TRAK1: variants seen among roughly 807,000 people sequenced by gnomAD.
TRAK1 encodes the protein trafficking kinesin protein 1, also known as trafficking kinesin-binding protein 1.
Under a neutral mutation model 92.1 loss-of-function variants are expected in TRAK1, and 33 were observed. The observed-to-expected ratio is 0.36, with a 90% confidence interval of 0.27 to 0.48. The LOEUF is 0.48. Ranked by LOEUF, TRAK1 falls within the 20% of genes least tolerant of loss-of-function variation. The pLI is 0.99. For missense variants in TRAK1, 1,123 were observed against 1,257.9 expected (o/e 0.89, Z 1.62); for synonymous variants, 521 against 517.3 (o/e 1.01, Z -0.10).
chr3:42,174,030 A>G (rs764648226), intron 2 of TRAK1, among the ~76,000 whole-genome samples: 3 of 152,198 alleles, frequency 2.0e-5, no homozygotes, highest in Non-Finnish European at 4.4e-5. Flanking sequence ...TGAAGATTAC[A>G]TAAAATAATC....
At chr3:42,182,381 C>T (rs1489032514) in intron 3 of TRAK1, among the ~76,000 whole-genome samples, 1 of 151,808 alleles carries the variant, frequency 6.6e-6, no homozygotes, top group Non-Finnish European at 1.5e-5. Flanking sequence ...TGAGCCCCGC[C>T]TCCTGGGTTC....
chr3:42,191,768 GC>G, intron 7 of TRAK1, 132 bp downstream of exon 7: 1 of 902,200 alleles, frequency 1.1e-6, no homozygotes, highest in Non-Finnish European at 1.6e-6. Flanking sequence ...AAAACTAGAG[GC>G]CTCCCCAACC....
chr3:42,202,048 G>A lies in TRAK1; in HGVS notation c.1428-388G>A, dbSNP rs1413951623. Among the ~76,000 whole-genome samples, 6 of 152,146 alleles carry A rather than the reference G, an allele frequency of 3.9e-5. No individual in the cohort carries two copies. Among genetic ancestry groups the A allele is most frequent in the African/African-American group, 1.4e-4 (6 of 41,428 alleles). ...AGAGCAGGTTTTGTTCAGAGTTGGGGTCTGGGCTCTTTTCCTTCAAGAGAA... is the reference window on the plus strand; with the variant it reads ...AGAGCAGGTTTTGTTCAGAGTTGGGATCTGGGCTCTTTTCCTTCAAGAGAA... On this transcript the variant is annotated intron_variant, in intron 12 of 15. Coordinates refer to ENST00000327628, the MANE Select transcript of TRAK1 (RefSeq NM_001042646.3). This position sits in a 1 kb window ranked among gnomAD's most constrained non-coding sequence, Gnocchi z 6.1.
chr3:42,153,389 C>A (rs2149268139), intron 2 of TRAK1, among the ~76,000 whole-genome samples: 1 of 151,946 alleles, frequency 6.6e-6, no homozygotes, highest in South Asian at 2.1e-4. Context: ...AGAGTGAGAT[C>A]CTGTCTTAAA....
chr3:42,053,372 G>A (rs1576189449), intron 1 of TRAK1, among the ~76,000 whole-genome samples: 1 of 128,132 alleles, frequency 7.8e-6, no homozygotes, highest in African/African-American at 3.5e-5. Flanking sequence ...ATTCAGAGTC[G>A]GGTGGGGGGG....
chr3:42,095,528 A>G (rs753019550), intron 1 of TRAK1, among the ~76,000 whole-genome samples: 4 of 152,220 alleles, frequency 2.6e-5, no homozygotes, highest in Non-Finnish European at 5.9e-5. Context: ...GTGCAGTTTA[A>G]TGGGTAAAAA....
intron 1 of TRAK1, among the ~76,000 whole-genome samples, chr3:42,108,506 A>T (rs928399059): frequency 6.6e-6 from 1 of 151,776 alleles, no homozygotes; most frequent in African/African-American, 2.4e-5. Flanking sequence ...AAAAAAAAAA[A>T]AAAAAAAAGA....
chr3:42,068,566 G>A (rs942153773), intron 1 of TRAK1, among the ~76,000 whole-genome samples: 2 of 152,182 alleles, frequency 1.3e-5, no homozygotes, highest in African/African-American at 2.4e-5. Flanking sequence ...GAGTTTTACC[G>A]TGTTCCAGGC....
rs368581162 is a variant in TRAK1, at chr3:42,223,311, C to G, written c.2436C>G (p.Ser812=). 6.2e-7 allele frequency: 1 copy of G among 1,614,188 alleles called. No homozygotes were observed. Among genetic ancestry groups the G allele is most frequent in the South Asian group, 1.1e-5 (1 of 91,088 alleles). ...CTCCCTACGACAATTTCCTGGCTTCCAAGCCAGCCAGCTCCATCCTGAGGG... is the reference window on the plus strand; with the variant it reads ...CTCCCTACGACAATTTCCTGGCTTCGAAGCCAGCCAGCTCCATCCTGAGGG... The part of the protein sequence containing the change: ...TSPPYDNFLA[S]KPASSILREV... Residue 812 remains serine, a synonymous_variant, in exon 16 of 16, where the codon TCC becomes TCG. Coordinates refer to ENST00000327628, the MANE Select transcript of TRAK1 (RefSeq NM_001042646.3). The surrounding 1 kb of genome is among the most constrained non-coding windows in gnomAD (Gnocchi z 6.1).
At chr3:42,076,725 C>T (rs544499448) in intron 1 of TRAK1, among the ~76,000 whole-genome samples, 1 of 152,220 alleles carries the variant, frequency 6.6e-6, no homozygotes, top group South Asian at 2.1e-4. Flanking sequence ...TCTAGAATGG[C>T]ATTTTCTAGG....
intron 2 of TRAK1, among the ~76,000 whole-genome samples, chr3:42,133,008 T>C (rs749260682): frequency 6.6e-6 from 1 of 152,172 alleles, no homozygotes; most frequent in Non-Finnish European, 1.5e-5. Context: ...CCAGACCCGT[T>C]CTCTGACCTG....
At chr3:42,209,645 C>A (rs1411103981) in intron 13 of TRAK1, 122 bp from the exon 14 acceptor site, 2 of 978,226 alleles carry the variant, frequency 2.0e-6, no homozygotes, top group Non-Finnish European at 3.0e-6. Context: ...CACCTGGAGG[C>A]CCAGACCCTG....
intron 13 of TRAK1, among the ~76,000 whole-genome samples, chr3:42,209,111 C>T (rs1400216870): frequency 6.6e-6 from 1 of 152,176 alleles, no homozygotes; most frequent in Non-Finnish European, 1.5e-5. Flanking sequence ...TGTGGACTTA[C>T]TATGTTCTTA....
intron 4 of TRAK1, among the ~76,000 whole-genome samples, chr3:42,185,536 G>A (rs1704678888): frequency 6.6e-6 from 1 of 152,132 alleles, no homozygotes; most frequent in Admixed American, 6.5e-5. Flanking sequence ...AGTCAGATGG[G>A]GTTGCTAGGG....
chr3:42,065,877 G>A (rs975750598), intron 1 of TRAK1, among the ~76,000 whole-genome samples: 5 of 151,926 alleles, frequency 3.3e-5, no homozygotes, highest in African/African-American at 9.7e-5. Context: ...TGATCCACTC[G>A]CCTCAACCTC....
chr3:42,210,137 G>A (rs771764433), intron 14 of TRAK1, 152 bp downstream of exon 14: 36 of 1,606,578 alleles, frequency 2.2e-5, no homozygotes, highest in South Asian at 6.7e-5. Context: ...AGGGCACCAC[G>A]ATAAGTCCTG....
chr3:42,222,633 C>T (rs116728729), intron 15 of TRAK1, among the ~76,000 whole-genome samples: 154 of 152,318 alleles, frequency 1.0e-3, no homozygotes, highest in African/African-American at 3.4e-3. Context: ...CACTTAACAG[C>T]CAGATGTGAC....
chr3:42,044,685 C>T (rs1702686726), intron 1 of TRAK1, among the ~76,000 whole-genome samples: 1 of 152,168 alleles, frequency 6.6e-6, no homozygotes, highest in Non-Finnish European at 1.5e-5. Context: ...GGAGCCTCCT[C>T]CATCTGCATG....
rs1040854083 is a variant in TRAK1, at chr3:42,114,775, C to T, written c.92-10645C>T. On this transcript the variant is annotated intron_variant, in intron 1 of 15. Coordinates refer to ENST00000327628, the MANE Select transcript of TRAK1 (RefSeq NM_001042646.3). ...TTGCCCAGGCTGGAGTGCAATCGTG[C>T]GATCTCAGCTCACTGCAACCTCTGC... 5.3e-5 allele frequency among the ~76,000 whole-genome samples: 8 copies of T among 151,872 alleles called. 1 individual carries two copies. Among genetic ancestry groups the T allele is most frequent in the African/African-American group, 1.7e-4 (7 of 41,306 alleles).
Sources: allele counts gnomAD v4.1 joint callset (sites outside exome capture counted in the v4.1 genomes callset), GRCh38; gene constraint gnomAD v4.1.1; non-coding constraint Gnocchi (gnomAD v3.1); transcripts MANE v1.5; gene names NCBI Gene and HGNC (gene_info 2026-07-23, HGNC 2026-07-21).